Variants in CCDC50 observed in about 807,000 individuals in gnomAD.
CCDC50 encodes coiled-coil domain-containing protein 50.
Under a neutral mutation model 70.2 loss-of-function variants are expected in CCDC50, and 54 were observed. The ratio of observed to expected loss-of-function variants is 0.77; its 90% CI spans 0.62 to 0.96. The LOEUF (loss-of-function observed/expected upper bound fraction) is 0.96. CCDC50 is among the 50% of genes least tolerant of loss of function. The probability of loss-of-function intolerance (pLI) is 0.00; values close to 1 mark genes in which losing one functional copy is unlikely to be tolerated. For synonymous variants in CCDC50, 216 were observed against 198.8 expected (o/e 1.09, Z -0.73); for missense variants, 558 against 578.7 (o/e 0.96, Z 0.37).
chr3:191,369,850 A>T, intron 4 of CCDC50, 69 bp from the exon 5 acceptor site: 1 of 1,128,780 alleles, frequency 8.9e-7, no homozygotes, highest in Non-Finnish European at 1.3e-6. Flanking sequence ...GTGGAATGTC[A>T]AGCCCCACCA....
intron 10 of CCDC50, among the ~76,000 whole-genome samples, chr3:191,388,461 C>G (rs75200331): frequency 0.06 from 9,190 of 152,220 alleles, 390 homozygotes; most frequent in Admixed American, 0.11. Flanking sequence ...CATTAGCATA[C>G]AGACTTGTCC....
chr3:191,361,078 A>C lies in CCDC50; in HGVS notation c.249A>C (p.Gln83His). 6.2e-7 allele frequency: 1 copy of C among 1,613,302 alleles called. No individual in the cohort carries two copies. The highest frequency in any genetic ancestry group is 8.5e-7 in the Non-Finnish European group (1 of 1,179,286). ...LQKRYKDLEQ[Q>H]DCEIAQEIQE... ...CACCTTTGCTTTTTAGTGAACAACA[A>C]GACTGTGAAATTGCTCAGGAAATTC... Residue 83 changes from glutamine to histidine, a missense_variant, in exon 4 of 12, where the codon CAA becomes CAC. Transcript: ENST00000392455.
At chr3:191,352,317 A>G (rs1038361719) in intron 1 of CCDC50, among the ~76,000 whole-genome samples, 1 of 141,644 alleles carries the variant, frequency 7.1e-6, no homozygotes, top group Non-Finnish European at 1.6e-5. Context: ...GAGATCAACA[A>G]CTCAATGAAA....
intron 5 of CCDC50, chr3:191,370,349 T>C: frequency 6.0e-6 from 2 of 334,604 alleles, no homozygotes; most frequent in South Asian, 2.5e-5. Context: ...TATCGCCTAA[T>C]GCTATCCCTC....
In CCDC50 at chr3:191,391,865, G is replaced by T; in HGVS notation, c.*105G>T. On this transcript the variant is annotated 3_prime_UTR_variant, in exon 12 of 12. Coordinates refer to ENST00000392455, the MANE Select transcript of CCDC50 (RefSeq NM_178335.3). ...TTTTTTCTCCTGTGTTTGCATTCCT[G>T]GGATTTATCCTCAAGTGCATTTCTG... The T allele has an allele frequency of 9.9e-7, 1 of 1,011,526 alleles. No individual in the cohort carries two copies. The highest frequency in any genetic ancestry group is 1.5e-6 in the Non-Finnish European group (1 of 655,376). 62.7% of individuals were successfully genotyped at this position (1,011,526 alleles called of 1,614,324 possible).
intron 4 of CCDC50, among the ~76,000 whole-genome samples, chr3:191,362,323 C>T (rs943879001): frequency 8.6e-5 from 13 of 151,970 alleles, no homozygotes; most frequent in African/African-American, 2.7e-4. Context: ...CGAGGTCTCA[C>T]TATGTTGCCC....
intron 1 of CCDC50, among the ~76,000 whole-genome samples, chr3:191,339,345 G>C (rs1711630650): frequency 6.6e-6 from 1 of 152,208 alleles, no homozygotes; most frequent in Middle Eastern, 3.4e-3. Context: ...ATCCTTCAAG[G>C]GAGTTATGAT....
At chr3:191,366,057 A>G (rs1712676565) in intron 4 of CCDC50, among the ~76,000 whole-genome samples, 1 of 152,134 alleles carries the variant, frequency 6.6e-6, no homozygotes, top group African/African-American at 2.4e-5. Flanking sequence ...GTTACTTGTC[A>G]TCTACTTGGG....
chr3:191,344,930 C>T (rs764134787), intron 1 of CCDC50, among the ~76,000 whole-genome samples: 7 of 152,292 alleles, frequency 4.6e-5, no homozygotes, highest in Non-Finnish European at 7.3e-5. Context: ...GTGAGGAATG[C>T]ACATCCTCAA....
intron 1 of CCDC50, among the ~76,000 whole-genome samples, chr3:191,348,954 G>A (rs1712014383): frequency 7.0e-6 from 1 of 142,124 alleles, no homozygotes; most frequent in South Asian, 2.2e-4. Flanking sequence ...AGAAATTTTA[G>A]CTATCAGTGA....
At chr3:191,361,912 G>GC (rs1712503896) in intron 4 of CCDC50, among the ~76,000 whole-genome samples, 1 of 152,130 alleles carries the variant, frequency 6.6e-6, no homozygotes, top group Non-Finnish European at 1.5e-5. Flanking sequence ...GAGGCCAGGA[G>GC]CAGGCATTGC....
In CCDC50 at chr3:191,380,838, G is replaced by A. The variant is rs779028705; in HGVS notation, c.1148G>A (p.Arg383Gln). The A allele has an allele frequency of 3.1e-6, 5 of 1,612,668 alleles. No individual in the cohort carries two copies. Among genetic ancestry groups the A allele is most frequent in the Admixed American group, 1.7e-5 (1 of 59,822 alleles). ...CTGTATTTTGTTTAGGAAATCGCTC[G>A]ACTTCTAATGGCTGAAGAAAAGAAA... ...AQVAQDEEIA[R>Q]LLMAEEKKAY... The change falls in exon 9 of 12, where the codon CGA becomes CAA. Residue 383 changes from arginine (R) to glutamine (Q), a missense_variant. Arg to Gln is a conservative substitution (Grantham distance 43, BLOSUM62 1). Coordinates refer to ENST00000392455, the MANE Select transcript of CCDC50 (RefSeq NM_178335.3).
intron 10 of CCDC50, among the ~76,000 whole-genome samples, chr3:191,386,236 T>A (rs142281718): frequency 0.49 from 64,010 of 131,888 alleles, 16,159 homozygotes; most frequent in Non-Finnish European, 0.6. Flanking sequence ...TTTTTTTTTT[T>A]TTTTTTGAGA....
intron 6 of CCDC50, among the ~76,000 whole-genome samples, chr3:191,375,803 A>G (rs528118864): frequency 9.8e-5 from 15 of 152,302 alleles, no homozygotes; most frequent in African/African-American, 3.6e-4. Flanking sequence ...TTCTGTGAGA[A>G]TGCACTGATT....
At position 191,329,569 on chromosome 3, in the gene CCDC50, G is replaced by T; in HGVS notation, c.-106G>T. The T allele has an allele frequency of 1.7e-6, 2 of 1,190,838 alleles. No individual in the cohort carries two copies. The highest frequency in any genetic ancestry group is 2.3e-6 in the Non-Finnish European group (2 of 857,214). 73.8% of individuals were successfully genotyped at this position (1,190,838 alleles called of 1,614,324 possible). ...CTCCGGCCTGCGAGCCCTGCCGGCC[G>T]GACTTTGCGCCGCGTCCGGCGCTGC... On this transcript the variant is annotated 5_prime_UTR_variant, in exon 1 of 12. Coordinates refer to ENST00000392455, the MANE Select transcript of CCDC50 (RefSeq NM_178335.3).
chr3:191,390,052 G>A (rs1395626403), intron 11 of CCDC50, among the ~76,000 whole-genome samples: 2 of 151,460 alleles, frequency 1.3e-5, no homozygotes, highest in African/African-American at 2.4e-5. Context: ...TTGTAGAGAT[G>A]AGGTTTTACC....
Position 191,349,120 on chromosome 3 carries a change from A to G in CCDC50, c.50-7968A>G, listed in dbSNP as rs146354705. Among the ~76,000 whole-genome samples the G allele has an allele frequency of 9.9e-4, 140 of 141,024 alleles. 27 individuals are homozygous for G. Among genetic ancestry groups the G allele is most frequent in the East Asian group, 3.3e-3 (17 of 5,164 alleles). 92.5% of individuals were successfully genotyped at this position (141,024 alleles called of 152,430 possible). A position where few individuals can be genotyped will look rare whatever the true frequency, so the allele number is the denominator to read the frequency against. On this transcript the variant is annotated intron_variant, in intron 1 of 11. Transcript: ENST00000392455. ...GGAGGGGGTTGGTTTTGCTAATGAT[A>G]TTGGCGGTAGTGATATTGATGTCAT...
intron 4 of CCDC50, among the ~76,000 whole-genome samples, chr3:191,369,697 G>A (rs1712828627): frequency 6.6e-6 from 1 of 152,094 alleles, no homozygotes; most frequent in African/African-American, 2.4e-5. Context: ...TGTTGTGGTG[G>A]ATTTAAATCT....
Position 191,375,106 on chromosome 3 carries a change from T to C in CCDC50, c.493T>C (p.Ser165Pro), listed in dbSNP as rs1183103647. 4 of 1,613,468 alleles carry C rather than the reference T, an allele frequency of 2.5e-6. No individual in the cohort carries two copies. Among genetic ancestry groups the C allele is most frequent in the Non-Finnish European group, 8.5e-7 (1 of 1,179,702 alleles). Reference protein sequence around the residue: ...RRARELGSGFSRPCRLQRDGK... With the variant: ...RRARELGSGFPRPCRLQRDGK... Reference sequence around the variant, plus strand: ...GGCCAGGGAATTGGGTTCTGGATTCTCAAGACCTTGTAGACTCCAAAGAGA... The same window carrying C: ...GGCCAGGGAATTGGGTTCTGGATTCCCAAGACCTTGTAGACTCCAAAGAGA... Residue 165 changes from serine (S) to proline (P), a missense_variant, in exon 6 of 12, where the codon TCA becomes CCA. By Grantham distance (74) the Ser-to-Pro change is moderately conservative (BLOSUM62 -1). Transcript: ENST00000392455.
Sources: gnomAD v4.1 joint callset for allele counts (sites outside exome capture counted in the v4.1 genomes callset) on GRCh38, gnomAD v4.1.1 for gene constraint, MANE v1.5 for transcripts, NCBI Gene and HGNC (gene_info 2026-07-23, HGNC 2026-07-21) for gene names.